ADAM2: variants seen among roughly 807,000 people sequenced by gnomAD.
ADAM2 encodes ADAM metallopeptidase domain 2.
In ADAM2, 101 loss-of-function variants were observed where a neutral mutation model predicts 99.3. The ratio of observed to expected loss-of-function variants is 1.02; its 90% CI spans 0.87 to 1.20. The LOEUF (loss-of-function observed/expected upper bound fraction) is 1.20, where lower values mean the gene tolerates loss of function less well. Among genes scored for constraint, ADAM2 ranks in the 50% most tolerant of loss-of-function variants. ADAM2 has a pLI of 0.00. For synonymous variants in ADAM2, 323 were observed against 287.6 expected, an observed-to-expected ratio of 1.12 and a Z score of -1.25; for missense variants, 948 against 878.7, an observed-to-expected ratio of 1.08 and a Z score of -1.00.
chr8:39,829,438 A>G (rs1208869693), intron 3 of ADAM2, among the ~76,000 whole-genome samples: 2 of 152,026 alleles, frequency 1.3e-5, no homozygotes, highest in Non-Finnish European at 2.9e-5. Context: ...AGAAATACAT[A>G]TTAAATTACT....
chr8:39,776,080 C>T (rs1159309527), intron 11 of ADAM2, among the ~76,000 whole-genome samples: 2 of 152,102 alleles, frequency 1.3e-5, no homozygotes, highest in African/African-American at 4.8e-5. Context: ...TAAATAATCA[C>T]AAGAACCAAA....
intron 18 of ADAM2, 33 bp from the exon 19 acceptor site, chr8:39,746,664 A>G (rs770546522): frequency 6.6e-7 from 1 of 1,511,384 alleles, no homozygotes; most frequent in South Asian, 1.3e-5. Context: ...ATTTGAAAGC[A>G]AGCACCAGAA....
intron 14 of ADAM2, among the ~76,000 whole-genome samples, chr8:39,765,054 TAAA>T (rs1563342502): frequency 6.6e-6 from 1 of 151,192 alleles, no homozygotes; most frequent in Non-Finnish European, 1.5e-5. Flanking sequence ...AATAAATAAA[TAAA>T]TAAATAAATA....
chr8:39,810,466 A>G (rs1489542813), intron 6 of ADAM2, among the ~76,000 whole-genome samples: 1 of 152,200 alleles, frequency 6.6e-6, no homozygotes, highest in Admixed American at 6.5e-5. Flanking sequence ...TCCACCCCAA[A>G]TCAACAGAAT....
intron 10 of ADAM2, among the ~76,000 whole-genome samples, chr8:39,783,352 T>A (rs890455511): frequency 3.9e-5 from 6 of 152,218 alleles, no homozygotes; most frequent in African/African-American, 1.4e-4. Context: ...GGTAGGTTGT[T>A]TTTTTCCATT....
intron 3 of ADAM2, among the ~76,000 whole-genome samples, chr8:39,827,278 G>A (rs1281897939): frequency 6.6e-6 from 1 of 152,160 alleles, no homozygotes; most frequent in Non-Finnish European, 1.5e-5. Flanking sequence ...CTTCCACAAT[G>A]TTGGTGGAAA....
intron 9 of ADAM2, among the ~76,000 whole-genome samples, chr8:39,787,414 T>C (rs7822312): frequency 0.47 from 70,924 of 151,052 alleles, 16,987 homozygotes; most frequent in South Asian, 0.67. Flanking sequence ...CTCTATGGAC[T>C]AAAGTCTCTC....
chr8:39,746,344 G>A, intron 19 of ADAM2, 128 bp downstream of exon 19: 1 of 683,498 alleles, frequency 1.5e-6, no homozygotes, highest in East Asian at 3.2e-5. Flanking sequence ...ATTAATATAT[G>A]AGTTATTAAA....
chr8:39,795,223 A>G (rs936173998), intron 7 of ADAM2, among the ~76,000 whole-genome samples: 2 of 152,134 alleles, frequency 1.3e-5, no homozygotes, highest in African/African-American at 2.4e-5. Flanking sequence ...AAGGCCACCA[A>G]TCATCTGAAT....
intron 14 of ADAM2, among the ~76,000 whole-genome samples, chr8:39,763,887 C>T (rs1244755296): frequency 6.6e-6 from 1 of 152,196 alleles, no homozygotes; most frequent in Non-Finnish European, 1.5e-5. Context: ...CAAACAAGAG[C>T]TCACTGGAAA....
intron 7 of ADAM2, among the ~76,000 whole-genome samples, chr8:39,799,630 G>A (rs3974327): frequency 0.039 from 5,969 of 152,174 alleles, 389 homozygotes; most frequent in African/African-American, 0.14. Context: ...TACTGACAGT[G>A]GGGTGTTAAA....
rs574110586 is a variant in ADAM2, at chr8:39,779,998, C to T, written c.892-2837G>A. ...CCAATTCAAAGAGTGTATTAGTCTTCTCTCATGCTGCGGGTAAAGACATAC... is the reference window on the plus strand; with the variant it reads ...CCAATTCAAAGAGTGTATTAGTCTTTTCTCATGCTGCGGGTAAAGACATAC... On this transcript the variant is annotated intron_variant, in intron 10 of 20. Transcript: ENST00000265708. 5.9e-5 allele frequency among the ~76,000 whole-genome samples: 9 copies of T among 152,178 alleles called. No individual in the cohort carries two copies. In the South Asian group the frequency reaches 1.7e-3, roughly 28 times the overall value.
intron 3 of ADAM2, among the ~76,000 whole-genome samples, chr8:39,831,787 A>G (rs904973212): frequency 1.3e-5 from 2 of 152,202 alleles, no homozygotes; most frequent in African/African-American, 4.8e-5. Flanking sequence ...ATGAGTACAT[A>G]GAAATATGTG....
intron 16 of ADAM2, among the ~76,000 whole-genome samples, chr8:39,752,924 C>G (rs1276687853): frequency 2.0e-5 from 3 of 152,118 alleles, no homozygotes; most frequent in Admixed American, 6.5e-5. Flanking sequence ...ATCTTGTTTT[C>G]TATATAAATT....
intron 14 of ADAM2, among the ~76,000 whole-genome samples, chr8:39,764,474 G>C (rs928098504): frequency 2.6e-5 from 4 of 152,106 alleles, no homozygotes; most frequent in Non-Finnish European, 5.9e-5. Context: ...CTGAGGACCT[G>C]GCACCGCCTC....
Position 39,837,052 on chromosome 8 carries a change from T to A in ADAM2, c.132+84A>T, listed in dbSNP as rs964298653. 32 of 1,072,888 alleles carry A rather than the reference T, an allele frequency of 3.0e-5. 1 individual carries two copies. The South Asian group carries it at 4.9e-4, about 16-fold the overall frequency. 66.5% of individuals were successfully genotyped at this position (1,072,888 alleles called of 1,614,324 possible). A position where few individuals can be genotyped will look rare whatever the true frequency, so the allele number is the denominator to read the frequency against. On this transcript the variant is annotated intron_variant, in intron 2 of 20. Transcript: ENST00000265708. ...AAATATAAAATTCAACAGGTGTGCA[T>A]GAATGAAAAATGGCAGATTAACTTC...
At chr8:39,808,445 G>A (rs1053305040) in intron 7 of ADAM2, among the ~76,000 whole-genome samples, 1 of 152,138 alleles carries the variant, frequency 6.6e-6, no homozygotes, top group African/African-American at 2.4e-5. Flanking sequence ...TAATGGGGTG[G>A]ATATATGATG....
intron 16 of ADAM2, among the ~76,000 whole-genome samples, chr8:39,753,407 G>T (rs1377841715): frequency 6.6e-6 from 1 of 151,518 alleles, no homozygotes; most frequent in African/African-American, 2.4e-5. Flanking sequence ...GGAAAAATTT[G>T]CAGCCTGATG....
At chr8:39,773,992 C>G (rs1051876267) in intron 11 of ADAM2, among the ~76,000 whole-genome samples, 2 of 151,822 alleles carry the variant, frequency 1.3e-5, no homozygotes, top group Non-Finnish European at 2.9e-5. Context: ...AAGGATAATT[C>G]CTCATTCCTT....
Sources: allele counts gnomAD v4.1 joint callset (sites outside exome capture counted in the v4.1 genomes callset), GRCh38; gene constraint gnomAD v4.1.1; transcripts MANE v1.5; gene names NCBI Gene and HGNC (gene_info 2026-07-23, HGNC 2026-07-21).